Variants in COL23A1 observed in about 807,000 individuals in gnomAD.
COL23A1 encodes collagen alpha-1(XXIII) chain.
COL23A1 carries 97 observed loss-of-function variants against 99.3 expected under a neutral mutation model. The observed-to-expected ratio is 0.98, with a 90% CI of 0.83 to 1.16. The LOEUF (loss-of-function observed/expected upper bound fraction) is 1.16. Among genes scored for constraint, COL23A1 ranks in the 50% most tolerant of loss-of-function variants. COL23A1 has a pLI of 0.00. For missense variants in COL23A1, 762 were observed against 757.4 expected (o/e 1.01, Z -0.07); for synonymous variants, 320 against 308.2 (o/e 1.04, Z -0.40).
chr5:178,505,578 G>A (rs76817896), intron 2 of COL23A1, among the ~76,000 whole-genome samples: 3,930 of 152,104 alleles, frequency 0.026, 100 homozygotes, highest in African/African-American at 0.06. Context: ...ATGAGGCCAC[G>A]GTTATATTGG....
intron 2 of COL23A1, among the ~76,000 whole-genome samples, chr5:178,454,937 G>C (rs1767683897): frequency 6.6e-6 from 1 of 152,198 alleles, no homozygotes; most frequent in Non-Finnish European, 1.5e-5. Context: ...CCCTGGCTAG[G>C]ACTGCTCCAT....
At position 178,357,840 on chromosome 5, in the gene COL23A1, GTA is replaced by G. The variant is rs564166697; in HGVS notation, c.362-50923_362-50922del. The stretch of plus-strand genomic sequence containing the variant: ...TATGTGTGTTTATGTGTATGTGTGT[GTA>G]TGTCTAATGTGTATGTGTATGTATA... On this transcript the variant is annotated intron_variant, in intron 2 of 28. Coordinates refer to ENST00000390654, the MANE Select transcript of COL23A1 (RefSeq NM_173465.4). Among the ~76,000 whole-genome samples, 39 of 150,720 alleles carry G rather than the reference GTA, an allele frequency of 2.6e-4. No homozygotes were observed. In the South Asian group the frequency reaches 5.7e-3, roughly 22 times the overall value.
At chr5:178,367,376 A>C (rs4976723) in intron 2 of COL23A1, among the ~76,000 whole-genome samples, 150,807 of 152,280 alleles carry the variant, frequency 0.99, 74,675 homozygotes, top group Middle Eastern at 1. Flanking sequence ...CAGCAGCCAG[A>C]GTATCAGCAA....
intron 17 of COL23A1, among the ~76,000 whole-genome samples, chr5:178,252,054 C>T (rs1765066519): frequency 6.6e-6 from 1 of 152,012 alleles, no homozygotes; most frequent in African/African-American, 2.4e-5. Flanking sequence ...GCTGGGATTA[C>T]AGGCATGTGC....
At chr5:178,584,791 C>T (rs764614554) in intron 1 of COL23A1, among the ~76,000 whole-genome samples, 2 of 152,154 alleles carry the variant, frequency 1.3e-5, no homozygotes, top group African/African-American at 4.8e-5. Flanking sequence ...TGCAGGTGCA[C>T]TGTATGTGGT....
rs141466626 is a variant in COL23A1 at position 178,454,923 on chromosome 5, G to A, written c.361+105759C>T. ...GGTGTCGGCTGGGCCTGCTCCCTCT[G>A]AGCCCCTGGCTAGGACTGCTCCATC... On this transcript the variant is annotated intron_variant, in intron 2 of 28. Coordinates refer to ENST00000390654, the MANE Select transcript of COL23A1 (RefSeq NM_173465.4). Among the ~76,000 whole-genome samples, 70 of 152,358 alleles carry A rather than the reference G, an allele frequency of 4.6e-4. 1 individual carries two copies. The highest frequency in any genetic ancestry group is 1.7e-3 in the African/African-American group (70 of 41,588).
chr5:178,443,352 T>C (rs1766984563), intron 2 of COL23A1, among the ~76,000 whole-genome samples: 1 of 152,242 alleles, frequency 6.6e-6, no homozygotes, highest in Non-Finnish European at 1.5e-5. Context: ...CCAAATGTCT[T>C]GCAGCCACTC....
Position 178,407,082 on chromosome 5 carries a change from T to C in COL23A1, c.362-100163A>G, listed in dbSNP as rs541398177. 7.2e-5 allele frequency among the ~76,000 whole-genome samples: 11 copies of C among 152,178 alleles called. No individual in the cohort carries two copies. The East Asian group carries it at 2.1e-3, about 30-fold the overall frequency. ...TCGGTCTCATATATGCAGAACTGGG[T>C]GCTAAATAAGTTGGTAACTCAGAAA... On this transcript the variant is annotated intron_variant, in intron 2 of 28. Coordinates refer to ENST00000390654, the MANE Select transcript of COL23A1 (RefSeq NM_173465.4).
chr5:178,528,698 T>C (rs1347783792), intron 2 of COL23A1, among the ~76,000 whole-genome samples: 1 of 152,170 alleles, frequency 6.6e-6, no homozygotes, highest in African/African-American at 2.4e-5. Context: ...TAATCCCAGA[T>C]ACTCGGGAGG....
rs370429416 is a variant in COL23A1 at position 178,238,961 on chromosome 5, A to G, written c.1620+180T>C. 5.3e-5 allele frequency among the ~76,000 whole-genome samples: 8 copies of G among 152,290 alleles called. No individual in the cohort carries two copies. In the South Asian group the frequency reaches 1.0e-3, roughly 20 times the overall value. On this transcript the variant is annotated intron_variant, in intron 28 of 28. Coordinates refer to ENST00000390654, the MANE Select transcript of COL23A1 (RefSeq NM_173465.4). ...CCAGGACCACAGCCCCACGCCTCAC[A>G]TGCAAGATGGGAGAGTCAAAACCAG...
chr5:178,350,046 G>A (rs764037265), intron 2 of COL23A1, among the ~76,000 whole-genome samples: 1 of 152,184 alleles, frequency 6.6e-6, no homozygotes, highest in Non-Finnish European at 1.5e-5. Flanking sequence ...CCCCTCTCCA[G>A]GCACCCTAAA....
At chr5:178,474,171 G>A (rs1349624620) in intron 2 of COL23A1, among the ~76,000 whole-genome samples, 5 of 152,144 alleles carry the variant, frequency 3.3e-5, no homozygotes, top group South Asian at 2.1e-4. Context: ...CCATCAATGC[G>A]CAGCTCTGTC....
At chr5:178,290,107 T>C (rs1581535563) in intron 4 of COL23A1, among the ~76,000 whole-genome samples, 1 of 152,192 alleles carries the variant, frequency 6.6e-6, no homozygotes, top group Middle Eastern at 3.4e-3. Context: ...ATTTTTTGTA[T>C]TTTTAGTAGA....
intron 2 of COL23A1, among the ~76,000 whole-genome samples, chr5:178,469,354 T>C (rs551942478): frequency 6.6e-6 from 1 of 152,182 alleles, no homozygotes; most frequent in Admixed American, 6.5e-5. Context: ...GCGGCTCCTC[T>C]CCCGTCCATC....
At chr5:178,250,243 C>A (rs2127537364) in intron 17 of COL23A1, 138 bp from the exon 18 acceptor site, 1 of 838,656 alleles carries the variant, frequency 1.2e-6, no homozygotes, top group South Asian at 1.5e-5. Context: ...CCAGGACCCA[C>A]CGCCTCCTCT....
At chr5:178,496,928 C>A (rs576794727) in intron 2 of COL23A1, among the ~76,000 whole-genome samples, 59 of 152,258 alleles carry the variant, frequency 3.9e-4, no homozygotes, top group African/African-American at 1.3e-3. Flanking sequence ...AACATGGGAG[C>A]GTGAGACCTG....
chr5:178,269,781 CATCT>C (rs1054106008), intron 6 of COL23A1, among the ~76,000 whole-genome samples: 12 of 147,978 alleles, frequency 8.1e-5, no homozygotes, highest in African/African-American at 3.0e-4. Flanking sequence ...TCCATCCATC[CATCT>C]ATCCAGTCAG....
Position 178,428,949 on chromosome 5 carries a change from AG to A in COL23A1, c.362-122031del, listed in dbSNP as rs10717558. On this transcript the variant is annotated intron_variant, in intron 2 of 28. Transcript: ENST00000390654. This position sits in a 1 kb window ranked among gnomAD's most constrained non-coding sequence, Gnocchi z 5.0. Reference sequence around the variant, plus strand: ...CACACAGACAGGCAGGCCCTCCGTGAGTGTCCTGAGACCCTACCACACCCCA... The same window carrying A: ...CACACAGACAGGCAGGCCCTCCGTGATGTCCTGAGACCCTACCACACCCCA... Among the ~76,000 whole-genome samples the A allele has an allele frequency of 0.11, 16,420 of 151,912 alleles. 1,995 individuals carry two copies. The highest frequency in any genetic ancestry group is 0.55 in the East Asian group (2,767 of 5,046).
chr5:178,247,807 G>A lies in COL23A1; in HGVS notation c.1237C>T (p.Pro413Ser). 6.2e-7 allele frequency: 1 copy of A among 1,613,334 alleles called. No individual in the cohort carries two copies. Residue 413 changes from proline to serine, a missense_variant, in exon 21 of 29, where the codon CCC becomes TCC. Transcript: ENST00000390654. ...SLAQLIVEPGPPGPPGPPGPM... is the reference protein window; with the variant it reads ...SLAQLIVEPGSPGPPGPPGPM... ...CCTGGGGGGCCAGGGGGGCCAGGGGGCCCTGGCTCCACTATGAGCTGAGCC... is the reference window on the plus strand; with the variant it reads ...CCTGGGGGGCCAGGGGGGCCAGGGGACCCTGGCTCCACTATGAGCTGAGCC...
Sources: allele counts gnomAD v4.1 joint callset (sites outside exome capture counted in the v4.1 genomes callset), GRCh38; gene constraint gnomAD v4.1.1; non-coding constraint Gnocchi (gnomAD v3.1); transcripts MANE v1.5; gene names NCBI Gene and HGNC (gene_info 2026-07-23, HGNC 2026-07-21).